The following HSPA4L variants were observed in gnomAD, a reference collection of about 807,000 sequenced individuals.
The protein encoded by HSPA4L is heat shock protein family A (Hsp70) member 4 like, also known as heat shock 70 kDa protein 4L.
Under a neutral mutation model 100.3 loss-of-function variants are expected in HSPA4L, and 48 were observed. The ratio of observed to expected loss-of-function variants is 0.48; its 90% CI spans 0.38 to 0.61. The LOEUF (loss-of-function observed/expected upper bound fraction) is 0.61, where lower values mean the gene tolerates loss of function less well. Among genes scored for constraint, HSPA4L ranks in the 20% least tolerant of loss-of-function variants. The pLI is 0.00. For missense variants in HSPA4L, 886 were observed against 988.6 expected, an observed-to-expected ratio of 0.90 and a Z score of 1.39; for synonymous variants, 319 against 328.2, an observed-to-expected ratio of 0.97 and a Z score of 0.30.
rs1578682078 is a variant in HSPA4L at position 127,782,554 on chromosome 4, T to G, written c.4T>G (p.Ser2Ala). Reference sequence around the variant, plus strand: ...AGCCCGACCATCACGCGGCGGGATGTCTGTGGTTGGCATTGACCTCGGCTT... The same window carrying G: ...AGCCCGACCATCACGCGGCGGGATGGCTGTGGTTGGCATTGACCTCGGCTT... M[S>A]VVGIDLGFLN... The change falls in exon 1 of 19, where the codon TCT (serine) becomes GCT (alanine). Residue 2 changes from serine (S) to alanine (A), a missense_variant. Transcript: ENST00000296464. 1.2e-6 allele frequency: 2 copies of G among 1,613,772 alleles called. No homozygotes were observed. The highest frequency in any genetic ancestry group is 1.7e-6 in the Non-Finnish European group (2 of 1,179,796).
intron 10 of HSPA4L, 150 bp from the exon 11 acceptor site, chr4:127,807,846 T>C: frequency 4.2e-6 from 3 of 714,376 alleles, no homozygotes; most frequent in Non-Finnish European, 6.7e-6. Flanking sequence ...AATGCATGTT[T>C]AGAGCAAAAT....
At chr4:127,790,729 G>A (rs990326338) in intron 1 of HSPA4L, among the ~76,000 whole-genome samples, 1 of 152,178 alleles carries the variant, frequency 6.6e-6, no homozygotes, top group African/African-American at 2.4e-5. Flanking sequence ...GTCTCATTGA[G>A]TGCAACTAGA....
chr4:127,820,413 C>G lies in HSPA4L; in HGVS notation c.1675-15C>G, dbSNP rs778963980. The G allele has an allele frequency of 8.3e-6, 13 of 1,566,540 alleles. No individual in the cohort carries two copies. Among genetic ancestry groups the G allele is most frequent in the South Asian group, 1.2e-5 (1 of 82,662 alleles). On this transcript the variant is annotated splice_polypyrimidine_tract_variant and intron_variant, in intron 13 of 18. Coordinates refer to ENST00000296464, the MANE Select transcript of HSPA4L (RefSeq NM_014278.4). ...GCTAATTTTAGAAATTTATACTTCT[C>G]TTTCGGATTTGCAGTCAGCTGTCTC...
In HSPA4L at chr4:127,834,279, G is replaced by C. The variant is rs1734155946; in HGVS notation, c.*1405G>C. The C allele has an allele frequency of 6.6e-6, 1 of 152,066 alleles. No individual in the cohort carries two copies. The highest frequency in any genetic ancestry group is 2.1e-4 in the South Asian group (1 of 4,818). The allele number at this position is 152,066 out of a possible 1,614,324, so 9.4% of individuals were successfully genotyped here. A position where few individuals can be genotyped will look rare whatever the true frequency, so the allele number is the denominator to read the frequency against. Reference sequence around the variant, plus strand: ...TTGACCTAGGTTAAAATTTCAAAAGGCTCATTTTCTCCCAAAGCTAAATCT... The same window carrying C: ...TTGACCTAGGTTAAAATTTCAAAAGCCTCATTTTCTCCCAAAGCTAAATCT... On this transcript the variant is annotated 3_prime_UTR_variant, in exon 19 of 19. Transcript: ENST00000296464.
At position 127,804,355 on chromosome 4, in the gene HSPA4L, C is replaced by A. The variant is rs568256899; in HGVS notation, c.985+268C>A. ...GCACGGTGGATCATGCCTGTAATCC[C>A]AGCACTTTGGGAGGCCGAGGTGGGT... is the stretch of plus-strand genomic sequence containing the variant. On this transcript the variant is annotated intron_variant, in intron 8 of 18. Coordinates refer to ENST00000296464, the MANE Select transcript of HSPA4L (RefSeq NM_014278.4). 2.6e-5 allele frequency among the ~76,000 whole-genome samples: 4 copies of A among 152,056 alleles called. No homozygotes were observed. The East Asian group carries it at 7.7e-4, about 29-fold the overall frequency.
chr4:127,811,612 T>C lies in HSPA4L; in HGVS notation c.1554T>C (p.Phe518=). ...SDAPMETETS[F]KNENKDNMDK... is the part of the protein sequence containing the mutation. ...CTCCAATGGAGACAGAAACTTCATT[T>C]AAAAATGAAAACAAAGATAATATGG... Residue 518 remains phenylalanine (F), a synonymous_variant, in exon 12 of 19, where the codon TTT becomes TTC. Transcript: ENST00000296464. The C allele has an allele frequency of 6.2e-7, 1 of 1,613,096 alleles. No homozygotes were observed. Among genetic ancestry groups the C allele is most frequent in the South Asian group, 1.1e-5 (1 of 91,030 alleles).
At chr4:127,810,999 T>C (rs1217518314) in intron 11 of HSPA4L, among the ~76,000 whole-genome samples, 1 of 152,146 alleles carries the variant, frequency 6.6e-6, no homozygotes, top group African/African-American at 2.4e-5. Flanking sequence ...AAAATAAAAA[T>C]TGGAATTGCT....
At chr4:127,823,681 G>A (rs1733872595) in intron 16 of HSPA4L, 57 bp downstream of exon 16, 3 of 987,192 alleles carry the variant, frequency 3.0e-6, no homozygotes, top group Non-Finnish European at 4.7e-6. Flanking sequence ...TAAAAATTAG[G>A]GTGTAAGAGC....
chr4:127,818,288 C>A, intron 12 of HSPA4L, 37 bp from the exon 13 acceptor site: 1 of 1,376,464 alleles, frequency 7.3e-7, no homozygotes, highest in Non-Finnish European at 1.0e-6. Flanking sequence ...AAAAAAAAGA[C>A]ACTGCGTATA....
intron 14 of HSPA4L, 32 bp from the exon 15 acceptor site, chr4:127,822,737 T>G: frequency 6.2e-7 from 1 of 1,608,750 alleles, no homozygotes; most frequent in Non-Finnish European, 8.5e-7. Context: ...ATGCATATTC[T>G]TATGGCAACT....
At chr4:127,814,529 G>A (rs1188726860) in intron 12 of HSPA4L, among the ~76,000 whole-genome samples, 2 of 151,918 alleles carry the variant, frequency 1.3e-5, no homozygotes, top group East Asian at 1.9e-4. Context: ...TAATAAAAGC[G>A]ATGATGCTGA....
intron 1 of HSPA4L, among the ~76,000 whole-genome samples, chr4:127,791,995 G>A (rs1243465487): frequency 2.6e-5 from 4 of 152,136 alleles, no homozygotes; most frequent in African/African-American, 9.7e-5. Context: ...ACAAACATCT[G>A]TTAAATTGAC....
In HSPA4L at chr4:127,820,500, C is replaced by T. The variant is rs753699919; in HGVS notation, c.1747C>T (p.Pro583Ser). ...KKGKVKSIDLPIQSSLCRQLG... is the reference protein window; with the variant it reads ...KKGKVKSIDLSIQSSLCRQLG... ...AGGAAAAGTCAAAAGTATTGATCTA[C>T]CGATCCAGAGTAGCCTATGTAGACA... is the stretch of plus-strand genomic sequence containing the variant. Residue 583 changes from proline (P) to serine (S), a missense_variant, in exon 14 of 19, where the codon CCG (proline) becomes TCG (serine). Coordinates refer to ENST00000296464, the MANE Select transcript of HSPA4L (RefSeq NM_014278.4). 14 of 1,602,584 alleles carry T rather than the reference C, an allele frequency of 8.7e-6. 1 individual carries two copies. The Admixed American group carries it at 2.2e-4, about 26-fold the overall frequency.
chr4:127,810,125 G>A (rs1028226682), intron 11 of HSPA4L, among the ~76,000 whole-genome samples: 13 of 151,768 alleles, frequency 8.6e-5, no homozygotes, highest in Non-Finnish European at 1.9e-4. Context: ...GTGACTAAAT[G>A]CAATTAAAAA....
At chr4:127,788,506 ATT>A (rs1732780166) in intron 1 of HSPA4L, among the ~76,000 whole-genome samples, 1 of 152,176 alleles carries the variant, frequency 6.6e-6, no homozygotes, top group Non-Finnish European at 1.5e-5. Context: ...AGATCCCTTA[ATT>A]TGTTCATAAG....
chr4:127,808,045 A>G lies in HSPA4L; in HGVS notation c.1294A>G (p.Ile432Val), dbSNP rs771019411. The change falls in exon 11 of 19, where the codon ATT becomes GTT. Residue 432 changes from isoleucine to valine, a missense_variant. Transcript: ENST00000296464. ...CCATCCTGCCCCATTCTCAAAAGTC[A>G]TTACTTTCCACAAGAAGGAACCATT... The part of the protein sequence containing the change: ...KNHPAPFSKV[I>V]TFHKKEPFEL... 3.1e-6 allele frequency: 5 copies of G among 1,612,982 alleles called. No individual in the cohort carries two copies. The highest frequency in any genetic ancestry group is 2.7e-5 in the African/African-American group (2 of 74,876).
intron 1 of HSPA4L, among the ~76,000 whole-genome samples, chr4:127,792,251 C>G (rs2148777815): frequency 6.6e-6 from 1 of 152,282 alleles, no homozygotes; most frequent in East Asian, 1.9e-4. Context: ...TATAATCTGG[C>G]CTTGATACTA....
intron 16 of HSPA4L, among the ~76,000 whole-genome samples, chr4:127,826,354 G>A (rs1004221255): frequency 2.6e-5 from 4 of 151,944 alleles, no homozygotes; most frequent in Non-Finnish European, 4.4e-5. Flanking sequence ...GTAAGCTGTC[G>A]CCATTGCACT....
At chr4:127,829,148 G>A (rs1734019571) in intron 17 of HSPA4L, among the ~76,000 whole-genome samples, 4 of 152,046 alleles carry the variant, frequency 2.6e-5, no homozygotes, top group African/African-American at 9.7e-5. Context: ...GAGAAATGAA[G>A]AAGTGAAAAC....
Sources: allele counts gnomAD v4.1 joint callset (sites outside exome capture counted in the v4.1 genomes callset), GRCh38; gene constraint gnomAD v4.1.1; transcripts MANE v1.5; gene names NCBI Gene and HGNC (gene_info 2026-07-23, HGNC 2026-07-21).